CSGALNACT1: variants seen among roughly 807,000 people sequenced by gnomAD.
CSGALNACT1 encodes the protein beta4GalNAcT-1.
In CSGALNACT1, 52 loss-of-function variants were observed where a neutral mutation model predicts 51.0. The observed-to-expected ratio is 1.02, with a 90% CI of 0.82 to 1.29. The LOEUF is 1.29. CSGALNACT1 is among the 50% of genes most tolerant of loss of function. CSGALNACT1 has a pLI of 0.00. For synonymous variants in CSGALNACT1, 341 were observed against 254.4 expected (o/e 1.34, Z -3.24); for missense variants, 935 against 679.2 (o/e 1.38, Z -4.19).
intron 1 of CSGALNACT1, among the ~76,000 whole-genome samples, chr8:19,659,985 A>G (rs2058622575): frequency 6.6e-6 from 1 of 152,184 alleles, no homozygotes; most frequent in Non-Finnish European, 1.5e-5. Flanking sequence ...GTAGTAGTTC[A>G]TTTACTACTC....
intron 3 of CSGALNACT1, among the ~76,000 whole-genome samples, chr8:19,576,889 A>T (rs2044347641): frequency 6.6e-6 from 1 of 152,046 alleles, no homozygotes; most frequent in Non-Finnish European, 1.5e-5. Flanking sequence ...ACTGCTCTCC[A>T]TTAGCACTGG....
intron 1 of CSGALNACT1, among the ~76,000 whole-genome samples, chr8:19,692,543 G>T (rs1336499077): frequency 2.0e-5 from 3 of 152,238 alleles, no homozygotes; most frequent in Non-Finnish European, 2.9e-5. Context: ...GTGACAGGAA[G>T]TGGGACAAGG....
At chr8:19,666,979 GAAA>G (rs1564385282) in intron 1 of CSGALNACT1, among the ~76,000 whole-genome samples, 353 of 12,392 alleles carry the variant, frequency 0.028, 12 homozygotes, top group African/African-American at 0.036. Flanking sequence ...AAGAAAGAAA[GAAA>G]GAAAGAAAGA....
At chr8:19,615,968 G>A (rs1403090902) in intron 1 of CSGALNACT1, among the ~76,000 whole-genome samples, 1 of 152,092 alleles carries the variant, frequency 6.6e-6, no homozygotes, top group Non-Finnish European at 1.5e-5. Flanking sequence ...AGATGTTACA[G>A]CCAAATAGGC....
intron 3 of CSGALNACT1, among the ~76,000 whole-genome samples, chr8:19,513,990 A>T (rs2078992150): frequency 6.6e-6 from 1 of 152,132 alleles, no homozygotes; most frequent in African/African-American, 2.4e-5. Context: ...ATCCACCCAG[A>T]AGTTTCAGAG....
intron 3 of CSGALNACT1, among the ~76,000 whole-genome samples, chr8:19,570,128 T>G (rs1226792367): frequency 2.0e-5 from 3 of 151,858 alleles, no homozygotes; most frequent in Non-Finnish European, 4.4e-5. Flanking sequence ...GTCTACATCT[T>G]GATTTGTGTG....
At chr8:19,426,791 G>A (rs1460125232) in intron 6 of CSGALNACT1, among the ~76,000 whole-genome samples, 2 of 152,130 alleles carry the variant, frequency 1.3e-5, no homozygotes, top group Non-Finnish European at 2.9e-5. Context: ...TAATTGACTT[G>A]CATTTCCCAG....
chr8:19,535,996 A>C lies in CSGALNACT1; in HGVS notation c.-296-29866T>G, dbSNP rs73667700. ...CTAGCCAATGCAAGTGAAGAAAAAG[A>C]AAAGGCATACAGATTAGAAAGGAAG... is the stretch of plus-strand genomic sequence containing the variant. On this transcript the variant is annotated intron_variant, in intron 3 of 9. Coordinates refer to ENST00000454498, the Ensembl canonical transcript of CSGALNACT1. Among the ~76,000 whole-genome samples, 1,043 of 152,302 alleles carry C rather than the reference A, an allele frequency of 6.8e-3. 13 individuals are homozygous for C. Among genetic ancestry groups the C allele is most frequent in the African/African-American group, 0.024 (997 of 41,570 alleles).
exon 10 of CSGALNACT1, chr8:19,405,515 C>T: frequency 1.6e-6 from 1 of 620,578 alleles, no homozygotes; most frequent in Non-Finnish European, 3.0e-6. Flanking sequence ...TCAAAACCTC[C>T]ACACCATTAG....
At chr8:19,660,360 CT>C (rs749699805) in intron 1 of CSGALNACT1, among the ~76,000 whole-genome samples, 1 of 152,196 alleles carries the variant, frequency 6.6e-6, no homozygotes, top group Non-Finnish European at 1.5e-5. Flanking sequence ...CTTAATCCCC[CT>C]AAGCCTTAAT....
chr8:19,631,879 C>G (rs2055310143), intron 1 of CSGALNACT1, among the ~76,000 whole-genome samples: 1 of 152,164 alleles, frequency 6.6e-6, no homozygotes, highest in Admixed American at 6.5e-5. Flanking sequence ...GCCAGGGCAG[C>G]AGGGAGGGGC....
At chr8:19,750,605 G>C (rs566951221) in intron 1 of CSGALNACT1, among the ~76,000 whole-genome samples, 3 of 152,280 alleles carry the variant, frequency 2.0e-5, no homozygotes, top group Non-Finnish European at 2.9e-5. Flanking sequence ...AGGAAGCTAA[G>C]CCTCAGAGAT....
intron 2 of CSGALNACT1, among the ~76,000 whole-genome samples, chr8:19,592,479 T>C (rs2048032115): frequency 6.6e-6 from 1 of 152,248 alleles, no homozygotes; most frequent in African/African-American, 2.4e-5. Context: ...GAGCAGGGTA[T>C]AGTGGCCCAT....
At chr8:19,655,733 T>C (rs2058214798) in intron 1 of CSGALNACT1, among the ~76,000 whole-genome samples, 2 of 152,138 alleles carry the variant, frequency 1.3e-5, no homozygotes, top group Admixed American at 6.5e-5. Context: ...CTTTTTTAAT[T>C]CTTTGTGAAA....
In CSGALNACT1 at chr8:19,731,234, G is replaced by A. The variant is rs543302480; in HGVS notation, c.-297+26616C>T. 1.5e-3 allele frequency among the ~76,000 whole-genome samples: 227 copies of A among 152,124 alleles called. 1 individual carries two copies. Among genetic ancestry groups the A allele is most frequent in the Non-Finnish European group, 1.9e-3 (127 of 68,004 alleles). On this transcript the variant is annotated intron_variant, in intron 1 of 1. Coordinates refer to the CSGALNACT1 transcript ENST00000517494. ...ATAAAAATAAGCTCCTTGGCCAGCC[G>A]CAGTGGCTCATGCCTGTAATCCCAG...
intron 5 of CSGALNACT1, among the ~76,000 whole-genome samples, chr8:19,452,808 A>T (rs1175752313): frequency 1.3e-5 from 2 of 151,928 alleles, no homozygotes; most frequent in Admixed American, 1.3e-4. Context: ...GCCGGGCAAA[A>T]CTCACATATC....
chr8:19,453,116 AG>A (rs1375164557), intron 5 of CSGALNACT1, among the ~76,000 whole-genome samples: 1 of 152,240 alleles, frequency 6.6e-6, no homozygotes. Context: ...TAAAATTAAA[AG>A]AAAAAGTTAA....
intron 1 of CSGALNACT1, among the ~76,000 whole-genome samples, chr8:19,667,036 G>A (rs201152240): frequency 0.072 from 2,018 of 28,172 alleles, 219 homozygotes; most frequent in African/African-American, 0.18. Context: ...AGGAAGGAAG[G>A]AAGGAAGAAA....
chr8:19,442,027 C>T (rs946202993), intron 5 of CSGALNACT1, among the ~76,000 whole-genome samples: 2 of 152,196 alleles, frequency 1.3e-5, no homozygotes, highest in Non-Finnish European at 2.9e-5. Flanking sequence ...GATACCATCT[C>T]ACACCAGTTA....
Sources: allele counts gnomAD v4.1 joint callset (sites outside exome capture counted in the v4.1 genomes callset), GRCh38; gene constraint gnomAD v4.1.1; transcripts MANE v1.5; gene names NCBI Gene and HGNC (gene_info 2026-07-23, HGNC 2026-07-21).